SLC35F4: variants seen among roughly 807,000 people sequenced by gnomAD.
SLC35F4 encodes the protein chromosome 14 open reading frame 36.
Under a neutral mutation model 44.2 loss-of-function variants are expected in SLC35F4, and 24 were observed. The observed-to-expected ratio is 0.54, with a 90% CI of 0.39 to 0.76. SLC35F4 has a LOEUF of 0.76. Among genes scored for constraint, SLC35F4 ranks in the 30% least tolerant of loss-of-function variants. SLC35F4 has a pLI of 0.00. For missense variants in SLC35F4, 562 were observed against 586.1 expected, an observed-to-expected ratio of 0.96 and a Z score of 0.42; for synonymous variants, 238 against 223.6, an observed-to-expected ratio of 1.06 and a Z score of -0.57.
intron 1 of SLC35F4, among the ~76,000 whole-genome samples, chr14:57,834,364 C>T (rs1356029818): frequency 1.3e-4 from 20 of 152,154 alleles, no homozygotes; most frequent in Admixed American, 1.2e-3. Context: ...CTACTTTGTA[C>T]AAGCCCTAAC....
At chr14:57,968,059 TG>T (rs1880935302) in intron 1 of SLC35F4, among the ~76,000 whole-genome samples, 1 of 152,170 alleles carries the variant, frequency 6.6e-6, no homozygotes, top group Non-Finnish European at 1.5e-5. Flanking sequence ...CATGAATACT[TG>T]TTAAAAATTA....
intron 1 of SLC35F4, among the ~76,000 whole-genome samples, chr14:57,801,392 T>C (rs1259781267): frequency 1.3e-5 from 2 of 152,114 alleles, no homozygotes; most frequent in Non-Finnish European, 2.9e-5. Flanking sequence ...AGGAAAACCA[T>C]TACCAGCCAC....
intron 1 of SLC35F4, among the ~76,000 whole-genome samples, chr14:57,895,582 C>CTCTCTCTCTCTCTCTCTCTCTG (rs1491258619): frequency 1.9e-5 from 2 of 102,982 alleles, no homozygotes; most frequent in African/African-American, 6.4e-5. Flanking sequence ...CGCTCTCTCA[C>CTCTCTCTCTCTCTCTCTCTCTG]TCTCTCTCTC....
At chr14:57,910,489 T>C (rs952338245) in intron 1 of SLC35F4, among the ~76,000 whole-genome samples, 6 of 152,054 alleles carry the variant, frequency 3.9e-5, no homozygotes, top group African/African-American at 1.4e-4. Flanking sequence ...TGGTGTAAGA[T>C]CTGTGTCTGG....
chr14:57,971,194 G>C (rs1361049441), intron 1 of SLC35F4, among the ~76,000 whole-genome samples: 1 of 152,200 alleles, frequency 6.6e-6, no homozygotes, highest in Non-Finnish European at 1.5e-5. Flanking sequence ...ATCATTATTA[G>C]AATGTACATA....
chr14:57,628,089 T>C (rs1444446692), intron 1 of SLC35F4, among the ~76,000 whole-genome samples: 1 of 152,108 alleles, frequency 6.6e-6, no homozygotes, highest in Non-Finnish European at 1.5e-5. Context: ...CATTTCCTTG[T>C]CTACGTACAT....
chr14:57,784,464 G>T (rs1438291214), intron 1 of SLC35F4, among the ~76,000 whole-genome samples: 4 of 152,128 alleles, frequency 2.6e-5, no homozygotes, highest in African/African-American at 4.8e-5. Context: ...CAGGAGGATT[G>T]CTTGAGGCTA....
intron 1 of SLC35F4, among the ~76,000 whole-genome samples, chr14:57,638,409 T>C (rs926952876): frequency 1.1e-4 from 16 of 152,114 alleles, no homozygotes; most frequent in Admixed American, 1.3e-4. Context: ...GTAACATGTA[T>C]GTTTGTTCAG....
intron 1 of SLC35F4, among the ~76,000 whole-genome samples, chr14:57,900,422 C>A (rs1479628699): frequency 6.8e-6 from 1 of 147,920 alleles, no homozygotes; most frequent in African/African-American, 2.7e-5. Flanking sequence ...CACCTCTGGC[C>A]CCCACACTAA....
intron 1 of SLC35F4, among the ~76,000 whole-genome samples, chr14:57,938,946 G>A (rs961643099): frequency 6.6e-6 from 1 of 152,176 alleles, no homozygotes; most frequent in African/African-American, 2.4e-5. Context: ...TCAGCAGCTA[G>A]ACCCTAATGT....
chr14:57,688,665 C>T (rs540183830), intron 1 of SLC35F4, among the ~76,000 whole-genome samples: 19 of 152,248 alleles, frequency 1.2e-4, no homozygotes, highest in Non-Finnish European at 2.6e-4. Context: ...CATATTTAGA[C>T]ATCAAGGTGA....
At chr14:57,961,362 A>G (rs1235519178) in intron 1 of SLC35F4, among the ~76,000 whole-genome samples, 2 of 152,170 alleles carry the variant, frequency 1.3e-5, no homozygotes, top group Non-Finnish European at 2.9e-5. Context: ...AGAGCTGAGG[A>G]CAGAGCAGCG....
At chr14:57,652,691 C>A (rs2073828912) in intron 1 of SLC35F4, among the ~76,000 whole-genome samples, 1 of 150,572 alleles carries the variant, frequency 6.6e-6, no homozygotes, top group African/African-American at 2.5e-5. Context: ...GGATAGTAAC[C>A]CCCACACAAA....
At chr14:57,963,286 T>C (rs1426500353) in intron 1 of SLC35F4, among the ~76,000 whole-genome samples, 1 of 152,210 alleles carries the variant, frequency 6.6e-6, no homozygotes, top group Non-Finnish European at 1.5e-5. Context: ...CTTCTTCTCA[T>C]GCTCTCATGA....
At chr14:57,754,505 GAAAACT>G (rs2076953494) in intron 1 of SLC35F4, among the ~76,000 whole-genome samples, 1 of 152,182 alleles carries the variant, frequency 6.6e-6, no homozygotes, top group African/African-American at 2.4e-5. Context: ...TCATACTTAG[GAAAACT>G]TCAACAAGAC....
intron 1 of SLC35F4, among the ~76,000 whole-genome samples, chr14:57,939,626 C>T (rs371612311): frequency 2.0e-5 from 3 of 152,274 alleles, no homozygotes; most frequent in African/African-American, 7.2e-5. Flanking sequence ...AGAAGCTGAG[C>T]ATTTCTATCC....
chr14:57,628,701 G>A (rs7494141), intron 1 of SLC35F4, among the ~76,000 whole-genome samples: 106,800 of 151,974 alleles, frequency 0.7, 38,350 homozygotes, highest in Middle Eastern at 0.79. Flanking sequence ...TAAATAAATT[G>A]CTGAAATGTT....
intron 1 of SLC35F4, among the ~76,000 whole-genome samples, chr14:57,798,121 CAAAAAAAAAAAAAAAA>C (rs60685029): frequency 2.4e-5 from 1 of 42,068 alleles, no homozygotes; most frequent in African/African-American, 7.7e-5. Context: ...GACCCACGAG[CAAAAAAAAAAAAAAAA>C]AAAAAAAAAA....
intron 1 of SLC35F4, among the ~76,000 whole-genome samples, chr14:57,712,433 T>C (rs1017426897): frequency 2.0e-5 from 3 of 152,322 alleles, no homozygotes; most frequent in Middle Eastern, 3.4e-3. Flanking sequence ...AAAGGTAAAA[T>C]TGCATGTTTA....
Sources: gnomAD v4.1 joint callset for allele counts (sites outside exome capture counted in the v4.1 genomes callset) on GRCh38, gnomAD v4.1.1 for gene constraint, MANE v1.5 for transcripts, NCBI Gene and HGNC (gene_info 2026-07-23, HGNC 2026-07-21) for gene names.